Variants in FNIP1 observed in about 807,000 individuals in gnomAD.
The protein encoded by FNIP1 is folliculin-interacting protein 1.
In FNIP1, 40 loss-of-function variants were observed where a neutral mutation model predicts 124.5. That is an observed-to-expected ratio of 0.32 (90% CI 0.25 to 0.42). The LOEUF (loss-of-function observed/expected upper bound fraction) is 0.42, where lower values mean the gene tolerates loss of function less well. Among genes scored for constraint, FNIP1 ranks in the 10% least tolerant of loss-of-function variants. The pLI is 1.00. For missense variants in FNIP1, 1,176 were observed against 1,403.7 expected (o/e 0.84, Z 2.59); for synonymous variants, 472 against 470.6 (o/e 1.00, Z -0.04).
At chr5:131,788,212 G>T (rs1004990831) in intron 1 of FNIP1, among the ~76,000 whole-genome samples, 1 of 152,128 alleles carries the variant, frequency 6.6e-6, no homozygotes, top group Admixed American at 6.5e-5. Flanking sequence ...TTTTCAACTT[G>T]GTAGACTAAG....
Position 131,710,609 on chromosome 5 carries a change from G to A in FNIP1, c.675C>T (p.Leu225=). The change falls in exon 7 of 18, where the codon CTC becomes CTT. Residue 225 remains leucine (L), a synonymous_variant. Coordinates refer to ENST00000510461, the MANE Select transcript of FNIP1 (RefSeq NM_133372.3). ...AGAAAGAGGCGCTCCTGATCAGGCG[G>A]AGCGGACCCTGCTCAGAGAATGCCC... ...PRRAFSEQGP[L]RLIRSASFFA... 3.7e-6 allele frequency: 6 copies of A among 1,613,992 alleles called. No individual in the cohort carries two copies. The highest frequency in any genetic ancestry group is 4.5e-5 in the East Asian group (2 of 44,872).
intron 3 of FNIP1, among the ~76,000 whole-genome samples, chr5:131,724,798 T>C (rs966767537): frequency 1.3e-5 from 2 of 152,228 alleles, no homozygotes; most frequent in African/African-American, 2.4e-5. Flanking sequence ...TGAATGGTAT[T>C]GCATAGGTTT....
chr5:131,734,222 T>C (rs557418967), intron 2 of FNIP1, among the ~76,000 whole-genome samples: 70 of 152,246 alleles, frequency 4.6e-4, no homozygotes, highest in African/African-American at 1.6e-3. Context: ...TTCTCTCTTT[T>C]CTTATTAGTC....
chr5:131,772,055 T>G (rs1212687334), intron 1 of FNIP1, among the ~76,000 whole-genome samples: 2 of 152,160 alleles, frequency 1.3e-5, no homozygotes, highest in Non-Finnish European at 2.9e-5. Context: ...AAAGGAATAC[T>G]ACTTTGCAAC....
chr5:131,791,956 C>G (rs1002965558), intron 1 of FNIP1, among the ~76,000 whole-genome samples: 2 of 152,050 alleles, frequency 1.3e-5, no homozygotes, highest in Admixed American at 1.3e-4. Flanking sequence ...TTTAATGAGT[C>G]TGGGCCCAAA....
At chr5:131,680,170 C>T (rs575201424) in intron 11 of FNIP1, among the ~76,000 whole-genome samples, 16 of 152,278 alleles carry the variant, frequency 1.1e-4, no homozygotes, top group Admixed American at 2.6e-4. Flanking sequence ...ATGTGGCTGA[C>T]GGCTGAGATT....
rs567550494 is a variant in FNIP1, at chr5:131,794,174, A to G, written c.92+2656T>C. Reference sequence around the variant, plus strand: ...TAGAGCCCAGGAGGTCAAGGCTGCAATGAGCCTTGATTGTATCATGGCACT... The same window carrying G: ...TAGAGCCCAGGAGGTCAAGGCTGCAGTGAGCCTTGATTGTATCATGGCACT... On this transcript the variant is annotated intron_variant, in intron 1 of 17. Transcript: ENST00000510461. Among the ~76,000 whole-genome samples, 13 of 148,342 alleles carry G rather than the reference A, an allele frequency of 8.8e-5. No individual in the cohort carries two copies. The East Asian group carries it at 2.6e-3, about 30-fold the overall frequency.
chr5:131,767,030 A>G (rs935175626), intron 1 of FNIP1, among the ~76,000 whole-genome samples: 1 of 152,124 alleles, frequency 6.6e-6, no homozygotes, highest in Non-Finnish European at 1.5e-5. Flanking sequence ...TCCAATTTCC[A>G]GGTATTCCAT....
intron 16 of FNIP1, 38 bp from the exon 17 acceptor site, chr5:131,647,243 C>G (rs1182453115): frequency 2.0e-6 from 3 of 1,474,498 alleles, no homozygotes; most frequent in Non-Finnish European, 1.9e-6. Flanking sequence ...GGTCAGAAAA[C>G]AGTTTGCAAC....
intron 9 of FNIP1, among the ~76,000 whole-genome samples, chr5:131,704,947 C>T (rs1360687749): frequency 6.6e-6 from 1 of 151,936 alleles, no homozygotes; most frequent in African/African-American, 2.4e-5. Flanking sequence ...GGACTACATA[C>T]AAATTTAACC....
rs1274951074 is a variant in FNIP1 at position 131,671,889 on chromosome 5, A to T, written c.2555T>A (p.Val852Asp). The T allele has an allele frequency of 7.4e-6, 12 of 1,614,048 alleles. No individual in the cohort carries two copies. Among genetic ancestry groups the T allele is most frequent in the Non-Finnish European group, 1.0e-5 (12 of 1,180,042 alleles). ...ACTATCTGTACTTGTTTTAAATGGA[A>T]CATCATCAATAGTCCTGGTTTCGAT... ...DSIETRTIDD[V>D]PFKTSTDSKD... The change falls in exon 14 of 18, where the codon GTT (valine) becomes GAT (aspartate). Residue 852 changes from valine to aspartate, a missense_variant. Physicochemically the swap from Val to Asp is radical, Grantham distance 152. Transcript: ENST00000510461.
intron 3 of FNIP1, among the ~76,000 whole-genome samples, chr5:131,724,684 T>G (rs970883531): frequency 6.6e-6 from 1 of 152,236 alleles, no homozygotes; most frequent in African/African-American, 2.4e-5. Context: ...TAGTTTCTTT[T>G]GCTGTGCAGA....
In FNIP1 at chr5:131,775,621, G is replaced by A. The variant is rs527661469; in HGVS notation, c.92+21209C>T. Among the ~76,000 whole-genome samples the A allele has an allele frequency of 2.4e-3, 365 of 150,038 alleles. 3 individuals are homozygous for A. The highest frequency in any genetic ancestry group is 8.5e-3 in the African/African-American group (346 of 40,894). On this transcript the variant is annotated intron_variant, in intron 1 of 17. Transcript: ENST00000510461. Reference sequence around the variant, plus strand: ...CGGCTCAATGCAACCTCTGCCCCCCGGGTTCAAGCAATTCTCCTGCTTCAG... The same window carrying A: ...CGGCTCAATGCAACCTCTGCCCCCCAGGTTCAAGCAATTCTCCTGCTTCAG...
At chr5:131,713,055 C>T (rs550224037) in intron 6 of FNIP1, among the ~76,000 whole-genome samples, 32 of 152,010 alleles carry the variant, frequency 2.1e-4, no homozygotes, top group African/African-American at 7.7e-4. Flanking sequence ...TGCCTCTCTT[C>T]TCCTACCCCT....
intron 8 of FNIP1, among the ~76,000 whole-genome samples, chr5:131,708,440 C>G (rs1171201513): frequency 6.6e-6 from 1 of 152,190 alleles, no homozygotes; most frequent in African/African-American, 2.4e-5. Context: ...TGGGCCCCAA[C>G]AAACACTTTT....
intron 15 of FNIP1, among the ~76,000 whole-genome samples, chr5:131,665,933 G>A (rs1400149343): frequency 7.9e-6 from 1 of 127,262 alleles, no homozygotes; most frequent in African/African-American, 3.0e-5. Flanking sequence ...ACGGAGTCTC[G>A]CTCTGTCGCC....
intron 1 of FNIP1, among the ~76,000 whole-genome samples, chr5:131,781,323 C>T (rs1213598137): frequency 6.6e-6 from 1 of 152,220 alleles, no homozygotes; most frequent in Non-Finnish European, 1.5e-5. Flanking sequence ...ACTGGCTACA[C>T]TAAATAACAG....
At chr5:131,696,296 A>G (rs1472535527) in intron 11 of FNIP1, among the ~76,000 whole-genome samples, 1 of 152,188 alleles carries the variant, frequency 6.6e-6, no homozygotes, top group Non-Finnish European at 1.5e-5. Context: ...CTTCATCTAT[A>G]AAAAACATGC....
At chr5:131,744,279 G>A (rs1491001445) in intron 2 of FNIP1, among the ~76,000 whole-genome samples, 1 of 151,978 alleles carries the variant, frequency 6.6e-6, no homozygotes, top group Non-Finnish European at 1.5e-5. Context: ...CTGCTGAGCT[G>A]TTGTCAGCAG....
Sources: gnomAD v4.1 joint callset for allele counts (sites outside exome capture counted in the v4.1 genomes callset) on GRCh38, gnomAD v4.1.1 for gene constraint, MANE v1.5 for transcripts, NCBI Gene and HGNC (gene_info 2026-07-23, HGNC 2026-07-21) for gene names.